Variants in CCSER1 observed in about 807,000 individuals in gnomAD.
The protein encoded by CCSER1 is serine-rich coiled-coil domain-containing protein 1.
In CCSER1, 41 loss-of-function variants were observed where a neutral mutation model predicts 82.0. The observed-to-expected ratio is 0.50, with a 90% CI of 0.39 to 0.65. The LOEUF is 0.65. Ranked by LOEUF, CCSER1 falls within the 30% of genes least tolerant of loss-of-function variation. The pLI, the probability that CCSER1 is intolerant of heterozygous loss-of-function variation, is 0.00. For synonymous variants in CCSER1, 414 were observed against 383.9 expected (o/e 1.08, Z -0.92); for missense variants, 1,119 against 1,064.2 (o/e 1.05, Z -0.72).
intron 6 of CCSER1, among the ~76,000 whole-genome samples, chr4:90,685,314 C>T (rs1439408825): frequency 2.6e-5 from 4 of 152,122 alleles, no homozygotes; most frequent in African/African-American, 7.2e-5. Flanking sequence ...AGAGGAACTG[C>T]CACTCTGTTT....
At position 91,148,999 on chromosome 4, in the gene CCSER1, C is replaced by A. The variant is rs939214310; in HGVS notation, c.2217+63005C>A. Reference sequence around the variant, plus strand: ...ATTTATAATCCTTTGGGTATATACCCAGCAGTGGGATGGCTGGGTCAAATA... The same window carrying A: ...ATTTATAATCCTTTGGGTATATACCAAGCAGTGGGATGGCTGGGTCAAATA... On this transcript the variant is annotated intron_variant, in intron 10 of 10. Transcript: ENST00000509176. Among the ~76,000 whole-genome samples, 3 of 121,646 alleles carry A rather than the reference C, an allele frequency of 2.5e-5. No individual in the cohort carries two copies. The Admixed American group carries it at 2.6e-4, about 10-fold the overall frequency. The allele number at this position is 121,646 out of a possible 152,430, so 79.8% of individuals were successfully genotyped here.
At chr4:91,588,105 T>C (rs1433459675) in intron 10 of CCSER1, among the ~76,000 whole-genome samples, 1 of 151,622 alleles carries the variant, frequency 6.6e-6, no homozygotes, top group Non-Finnish European at 1.5e-5. Context: ...ATTTTTTTTC[T>C]ATTTAAAAAT....
intron 9 of CCSER1, among the ~76,000 whole-genome samples, chr4:90,939,698 T>C (rs1032645901): frequency 2.0e-5 from 3 of 152,178 alleles, no homozygotes; most frequent in Admixed American, 6.5e-5. Flanking sequence ...AAATATGTTA[T>C]AAAATTAATT....
At chr4:90,755,357 C>T (rs139358145) in intron 7 of CCSER1, among the ~76,000 whole-genome samples, 139 of 152,300 alleles carry the variant, frequency 9.1e-4, no homozygotes, top group African/African-American at 2.9e-3. Flanking sequence ...TTACAGCTCC[C>T]ACTCTCATAC....
chr4:91,113,089 T>A (rs1359272870), intron 10 of CCSER1, among the ~76,000 whole-genome samples: 1 of 152,236 alleles, frequency 6.6e-6, no homozygotes, highest in Non-Finnish European at 1.5e-5. Flanking sequence ...ATTACATTTT[T>A]AAATATTAAT....
In CCSER1 at chr4:91,448,669, T is replaced by C. The variant is rs148311280; in HGVS notation, c.2218-149903T>C. Among the ~76,000 whole-genome samples, 1,440 of 152,214 alleles carry C rather than the reference T, an allele frequency of 9.5e-3. 25 individuals carry two copies. The highest frequency in any genetic ancestry group is 0.032 in the African/African-American group (1,347 of 41,552). ...AAGCTAATAATGATTATTATGATGA[T>C]AAAAAGTTGTTCACAATTTTACTGA... is the stretch of plus-strand genomic sequence containing the variant. On this transcript the variant is annotated intron_variant, in intron 10 of 10. Transcript: ENST00000509176.
chr4:90,569,235 A>C (rs1254960253), intron 5 of CCSER1, among the ~76,000 whole-genome samples: 1 of 151,880 alleles, frequency 6.6e-6, no homozygotes, highest in Admixed American at 6.6e-5. Flanking sequence ...CAAAATAAGA[A>C]AAAAAAAACA....
At chr4:90,197,880 G>A (rs1369826423) in intron 1 of CCSER1, among the ~76,000 whole-genome samples, 1 of 151,772 alleles carries the variant, frequency 6.6e-6, no homozygotes, top group Non-Finnish European at 1.5e-5. Context: ...GGCACAACAG[G>A]GTGCTCACAG....
At chr4:91,409,041 G>A (rs191629684) in intron 10 of CCSER1, among the ~76,000 whole-genome samples, 20 of 152,094 alleles carry the variant, frequency 1.3e-4, no homozygotes, top group East Asian at 5.8e-4. Flanking sequence ...TACTCCATTC[G>A]GACAAAGCAA....
intron 5 of CCSER1, among the ~76,000 whole-genome samples, chr4:90,476,097 T>G (rs1479330781): frequency 1.3e-5 from 2 of 152,016 alleles, no homozygotes; most frequent in African/African-American, 4.8e-5. Flanking sequence ...CCTCCAGATT[T>G]CATAAACTTC....
intron 3 of CCSER1, among the ~76,000 whole-genome samples, chr4:90,359,811 TTATATA>T (rs1230225027): frequency 3.3e-5 from 5 of 150,892 alleles, no homozygotes; most frequent in African/African-American, 9.8e-5. Flanking sequence ...TGTAAAAACT[TTATATA>T]TAGATATGTG....
At chr4:90,419,482 C>T (rs1756359203) in intron 4 of CCSER1, among the ~76,000 whole-genome samples, 1 of 151,862 alleles carries the variant, frequency 6.6e-6, no homozygotes, top group African/African-American at 2.4e-5. Context: ...ACTTATTCAG[C>T]CAGTATTAAC....
chr4:90,780,568 T>C (rs941813248), intron 7 of CCSER1: 187 of 1,543,174 alleles, frequency 1.2e-4, no homozygotes, highest in Middle Eastern at 1.7e-4. Flanking sequence ...AAAGACTCTT[T>C]CCATCCAGTT....
intron 9 of CCSER1, among the ~76,000 whole-genome samples, chr4:91,048,573 AAG>A (rs1321561937): frequency 6.6e-6 from 1 of 151,994 alleles, no homozygotes; most frequent in African/African-American, 2.4e-5. Flanking sequence ...AGGCTACAAT[AAG>A]AGAGAAGGTT....
intron 9 of CCSER1, among the ~76,000 whole-genome samples, chr4:90,992,618 A>G (rs1737138916): frequency 6.6e-6 from 1 of 151,974 alleles, no homozygotes; most frequent in Non-Finnish European, 1.5e-5. Flanking sequence ...TTATTATAAG[A>G]TATTATGATT....
At chr4:90,879,648 G>A (rs1720982047) in intron 8 of CCSER1, among the ~76,000 whole-genome samples, 2 of 148,592 alleles carry the variant, frequency 1.3e-5, no homozygotes, top group Admixed American at 6.8e-5. Flanking sequence ...AGAAGAAAGA[G>A]GAAGAAGAAG....
chr4:90,143,248 A>T (rs1725141604), intron 1 of CCSER1, among the ~76,000 whole-genome samples: 1 of 152,078 alleles, frequency 6.6e-6, no homozygotes, highest in Non-Finnish European at 1.5e-5. Context: ...CTGCCGTATT[A>T]AGCCAATTTC....
chr4:90,383,204 C>T (rs570748826), intron 3 of CCSER1, among the ~76,000 whole-genome samples: 29 of 151,612 alleles, frequency 1.9e-4, no homozygotes, highest in African/African-American at 6.8e-4. Flanking sequence ...AATTTGCAAC[C>T]GTGGAAAAGA....
At chr4:90,824,893 A>T (rs17247845) in intron 8 of CCSER1, among the ~76,000 whole-genome samples, 10,829 of 152,186 alleles carry the variant, frequency 0.071, 497 homozygotes, top group Admixed American at 0.13. Context: ...TTTTCAGGAG[A>T]ATTAATTGCA....
Sources: gnomAD v4.1 joint callset for allele counts (sites outside exome capture counted in the v4.1 genomes callset) on GRCh38, gnomAD v4.1.1 for gene constraint, MANE v1.5 for transcripts, NCBI Gene and HGNC (gene_info 2026-07-23, HGNC 2026-07-21) for gene names.